TENT4B: variants seen among roughly 807,000 people sequenced by gnomAD.
TENT4B encodes the protein PAP associated domain containing 5.
A neutral mutation model predicts 75.0 loss-of-function variants in TENT4B; 10 were observed. The ratio of observed to expected loss-of-function variants is 0.13; its 90% CI spans 0.08 to 0.23. TENT4B has a LOEUF of 0.23. TENT4B is among the 10% of genes least tolerant of loss of function. TENT4B has a pLI of 1.00. For missense variants in TENT4B, 579 were observed against 893.8 expected, an observed-to-expected ratio of 0.65 and a Z score of 4.49; for synonymous variants, 350 against 357.7, an observed-to-expected ratio of 0.98 and a Z score of 0.24.
chr16:50,155,274 T>TGG (rs1363416621), intron 1 of TENT4B, among the ~76,000 whole-genome samples: 2 of 136,822 alleles, frequency 1.5e-5, no homozygotes, highest in African/African-American at 3.3e-5. Flanking sequence ...GTCTCGTGGG[T>TGG]GTGTGTGTGT....
intron 1 of TENT4B, among the ~76,000 whole-genome samples, chr16:50,169,399 T>G (rs1003469025): frequency 1.4e-5 from 2 of 147,056 alleles, no homozygotes; most frequent in Admixed American, 6.8e-5. Flanking sequence ...TTTTTTTTTT[T>G]TTTTTTTTTT....
At chr16:50,178,665 G>A (rs2038355076) in intron 1 of TENT4B, among the ~76,000 whole-genome samples, 1 of 152,098 alleles carries the variant, frequency 6.6e-6, no homozygotes, top group Non-Finnish European at 1.5e-5. Context: ...ATGGATGAAC[G>A]TTCAGATCAT....
rs572816417 is a variant in TENT4B, at chr16:50,232,548, A to G, written c.*3220A>G. ...TCCTTCCCTCCCCCATGAAATGGTA[A>G]GTGTGACTTGTGTTTGCCTGAACCT... On this transcript the variant is annotated 3_prime_UTR_variant, in exon 12 of 12. Transcript: ENST00000561678. 1.1e-4 allele frequency: 112 copies of G among 985,130 alleles called. 1 individual carries two copies. The African/African-American group carries it at 1.9e-3, about 17-fold the overall frequency. 61.0% of individuals were successfully genotyped at this position (985,130 alleles called of 1,614,324 possible).
intron 1 of TENT4B, among the ~76,000 whole-genome samples, chr16:50,160,663 A>G (rs1340131507): frequency 6.6e-6 from 1 of 152,222 alleles, no homozygotes; most frequent in African/African-American, 2.4e-5. Context: ...TTGTTCTCAG[A>G]TAACCTGTAT....
At chr16:50,171,702 T>C (rs1010197747) in intron 1 of TENT4B, among the ~76,000 whole-genome samples, 2 of 152,178 alleles carry the variant, frequency 1.3e-5, no homozygotes, top group African/African-American at 4.8e-5. Context: ...CAGTGACTTA[T>C]GCCTGTAAGC....
chr16:50,195,458 G>T (rs1469002362), intron 1 of TENT4B, among the ~76,000 whole-genome samples: 2 of 152,184 alleles, frequency 1.3e-5, no homozygotes, highest in African/African-American at 4.8e-5. Flanking sequence ...GAGGAAAGGG[G>T]AGGAAGTCAG....
chr16:50,175,080 ACT>A (rs1176283667), intron 1 of TENT4B, among the ~76,000 whole-genome samples: 1 of 151,652 alleles, frequency 6.6e-6, no homozygotes, highest in African/African-American at 2.4e-5. Flanking sequence ...CTATCATTCT[ACT>A]CTCTACTTCT....
chr16:50,190,161 T>G lies in TENT4B; in HGVS notation c.639-21162T>G, dbSNP rs534715282. On this transcript the variant is annotated intron_variant, in intron 1 of 11. Transcript: ENST00000561678. ...GTTTTCACAAACTAGAGCATTTATG[T>G]GAAATAACATTGCTAGTATTGATAT... 2.6e-5 allele frequency among the ~76,000 whole-genome samples: 4 copies of G among 151,996 alleles called. No individual in the cohort carries two copies. The South Asian group carries it at 8.3e-4, about 32-fold the overall frequency.
At chr16:50,161,434 T>C (rs2150669147) in intron 1 of TENT4B, among the ~76,000 whole-genome samples, 1 of 152,322 alleles carries the variant, frequency 6.6e-6, no homozygotes, top group South Asian at 2.1e-4. Context: ...TTTCACATAG[T>C]ATTTGGTAAT....
intron 11 of TENT4B, among the ~76,000 whole-genome samples, chr16:50,228,727 A>G (rs2032166335): frequency 6.6e-6 from 1 of 152,246 alleles, no homozygotes; most frequent in Non-Finnish European, 1.5e-5. Flanking sequence ...CAGGGTTGAC[A>G]GAAGGGACTG....
chr16:50,217,792 GTCTCACT>G, intron 5 of TENT4B, 129 bp downstream of exon 5: 2 of 105,876 alleles, frequency 1.9e-5, no homozygotes, highest in Non-Finnish European at 3.5e-5. Flanking sequence ...TAGAGCTAGG[GTCTCACT>G]CTGTCACCTA....
At chr16:50,211,906 C>T (rs1055686006) in intron 2 of TENT4B, among the ~76,000 whole-genome samples, 2 of 152,142 alleles carry the variant, frequency 1.3e-5, no homozygotes, top group African/African-American at 2.4e-5. Context: ...GGCTAATGCA[C>T]GCATAAGTCT....
At chr16:50,205,597 T>A (rs1014158074) in intron 1 of TENT4B, among the ~76,000 whole-genome samples, 1 of 45,506 alleles carries the variant, frequency 2.2e-5, no homozygotes, top group Non-Finnish European at 4.7e-5. Context: ...TTTTTTTTTT[T>A]TTTTTTTTTT....
chr16:50,230,213 C>T lies in TENT4B; in HGVS notation c.*885C>T, dbSNP rs2032240181. 4.1e-6 allele frequency: 4 copies of T among 981,758 alleles called. No homozygotes were observed. The highest frequency in any genetic ancestry group is 4.8e-6 in the Non-Finnish European group (4 of 829,518). 60.8% of individuals were successfully genotyped at this position (981,758 alleles called of 1,614,324 possible). On this transcript the variant is annotated 3_prime_UTR_variant, in exon 12 of 12. Transcript: ENST00000561678. ...TAACTTGCAACTGTTTTCTATAGTG[C>T]TGTCGTCTTGGGCAATGGGCAATTA...
intron 1 of TENT4B, among the ~76,000 whole-genome samples, chr16:50,195,389 T>C (rs2030163036): frequency 6.6e-6 from 1 of 152,204 alleles, no homozygotes; most frequent in Non-Finnish European, 1.5e-5. Flanking sequence ...AGAAATCCTT[T>C]GGCTCTCAGT....
intron 1 of TENT4B, among the ~76,000 whole-genome samples, chr16:50,210,337 C>G (rs575362436): frequency 4.6e-4 from 70 of 152,314 alleles, no homozygotes; most frequent in Non-Finnish European, 6.8e-4. Context: ...TCTTCCAGAC[C>G]AGTAGTTTTC....
intron 4 of TENT4B, among the ~76,000 whole-genome samples, chr16:50,216,893 T>TGCTGATA (rs1379265120): frequency 1.3e-5 from 2 of 152,218 alleles, no homozygotes; most frequent in South Asian, 2.1e-4. Flanking sequence ...TGAAAAGAAC[T>TGCTGATA]GCTGATAGCT....
At chr16:50,209,817 T>C (rs561656937) in intron 1 of TENT4B, among the ~76,000 whole-genome samples, 1 of 152,260 alleles carries the variant, frequency 6.6e-6, no homozygotes, top group Non-Finnish European at 1.5e-5. Context: ...GGAGGAACTA[T>C]GGATTGCTTA....
chr16:50,192,588 A>C (rs1034580638), intron 1 of TENT4B, among the ~76,000 whole-genome samples: 22 of 152,194 alleles, frequency 1.4e-4, no homozygotes, highest in African/African-American at 5.1e-4. Flanking sequence ...CAGGGGCAGC[A>C]GACTTTTCCT....
Sources: allele counts gnomAD v4.1 joint callset (sites outside exome capture counted in the v4.1 genomes callset), GRCh38; gene constraint gnomAD v4.1.1; transcripts MANE v1.5; gene names NCBI Gene and HGNC (gene_info 2026-07-23, HGNC 2026-07-21).